The following ATG4B variants were observed in gnomAD, a reference collection of about 807,000 sequenced individuals.
ATG4B encodes cysteine protease ATG4B.
Under a neutral mutation model 56.6 loss-of-function variants are expected in ATG4B, and 29 were observed. The ratio of observed to expected loss-of-function variants is 0.51; its 90% CI spans 0.38 to 0.70. The LOEUF (loss-of-function observed/expected upper bound fraction) is 0.70, where lower values mean the gene tolerates loss of function less well. Among genes scored for constraint, ATG4B ranks in the 30% least tolerant of loss-of-function variants. The pLI, the probability that ATG4B is intolerant of heterozygous loss-of-function variation, is 0.00. For missense variants in ATG4B, 461 were observed against 515.5 expected (o/e 0.89, Z 1.02); for synonymous variants, 224 against 206.1 (o/e 1.09, Z -0.74).
intron 6 of ATG4B, among the ~76,000 whole-genome samples, chr2:241,658,448 C>T (rs1044520808): frequency 2.6e-5 from 4 of 152,176 alleles, no homozygotes; most frequent in Non-Finnish European, 4.4e-5. Flanking sequence ...GCATTCTGTC[C>T]CCGGGAGCAC....
intron 4 of ATG4B, among the ~76,000 whole-genome samples, chr2:241,653,860 C>T (rs1257520983): frequency 6.6e-6 from 1 of 152,074 alleles, no homozygotes; most frequent in Non-Finnish European, 1.5e-5. Context: ...GGCGTGGTGG[C>T]TCCTGCCTGT....
intron 6 of ATG4B, among the ~76,000 whole-genome samples, chr2:241,656,769 C>G (rs1011972502): frequency 2.6e-5 from 4 of 152,254 alleles, no homozygotes; most frequent in Non-Finnish European, 5.9e-5. Context: ...CAGCCTGCTT[C>G]TCCTACAGTG....
chr2:241,637,943 C>T (rs2125105851), intron 1 of ATG4B, among the ~76,000 whole-genome samples: 1 of 151,638 alleles, frequency 6.6e-6, no homozygotes, highest in African/African-American at 2.4e-5. Context: ...GCGGAACCCG[C>T]CGTCGGTTGC....
intron 7 of ATG4B, among the ~76,000 whole-genome samples, chr2:241,665,898 C>CCTGTCA (rs570205760): frequency 6.6e-6 from 1 of 152,006 alleles, no homozygotes; most frequent in Non-Finnish European, 1.5e-5. Flanking sequence ...GTCACTGTCA[C>CCTGTCA]CTGTCACTGT....
intron 1 of ATG4B, among the ~76,000 whole-genome samples, chr2:241,643,276 C>G (rs966734235): frequency 4.6e-5 from 7 of 151,828 alleles, no homozygotes; most frequent in African/African-American, 1.5e-4. Flanking sequence ...GCGGCCTCAG[C>G]TCATTGCAGC....
Position 241,672,375 on chromosome 2 carries a change from C to A in ATG4B, c.*111C>A. 1.0e-6 allele frequency: 1 copy of A among 967,318 alleles called. No homozygotes were observed. The highest frequency in any genetic ancestry group is 1.6e-6 in the Non-Finnish European group (1 of 640,084). 59.9% of individuals were successfully genotyped at this position (967,318 alleles called of 1,614,324 possible). On this transcript the variant is annotated 3_prime_UTR_variant, in exon 13 of 13. Coordinates refer to ENST00000404914, the MANE Select transcript of ATG4B (RefSeq NM_013325.5). The stretch of plus-strand genomic sequence containing the variant: ...GAGGGCTGCGCCCCGTGCTGCCTCC[C>A]CCCAGAGGGCCACCCGCTGTGCTCG...
intron 1 of ATG4B, 22 bp downstream of exon 1, chr2:241,637,746 G>T (rs1395466842): frequency 2.5e-6 from 4 of 1,571,412 alleles, no homozygotes; most frequent in Non-Finnish European, 3.4e-6. Context: ...CCGGGGGTCG[G>T]TCTTTCCGCA....
chr2:241,673,204 G>C lies in ATG4B; in HGVS notation c.*940G>C, dbSNP rs767946195. On this transcript the variant is annotated 3_prime_UTR_variant, in exon 13 of 13. Coordinates refer to ENST00000404914, the MANE Select transcript of ATG4B (RefSeq NM_013325.5). ...AAAAGGGGAAAACCACTTGAGTCTT[G>C]TGGTGTGTGGTGGGCAGACACCACA... is the stretch of plus-strand genomic sequence containing the variant. 2.8e-5 allele frequency: 7 copies of C among 252,228 alleles called. No homozygotes were observed. The highest frequency in any genetic ancestry group is 5.2e-5 in the Non-Finnish European group (7 of 133,434). The allele number at this position is 252,228 out of a possible 1,614,324, so 15.6% of individuals were successfully genotyped here. A position where few individuals can be genotyped will look rare whatever the true frequency, so the allele number is the denominator to read the frequency against.
chr2:241,670,476 A>T (rs145888258), intron 10 of ATG4B: 40 of 582,096 alleles, frequency 6.9e-5, no homozygotes, highest in African/African-American at 5.4e-4. Context: ...ACCACGTAAC[A>T]TCTCGTGGGC....
At chr2:241,647,522 G>C (rs2068098018) in intron 1 of ATG4B, among the ~76,000 whole-genome samples, 2 of 151,656 alleles carry the variant, frequency 1.3e-5, no homozygotes, top group Admixed American at 1.3e-4. Context: ...TCAGGAGGCT[G>C]AGGCAGGAGA....
chr2:241,662,861 G>C (rs1199228895), intron 7 of ATG4B, among the ~76,000 whole-genome samples: 4 of 151,228 alleles, frequency 2.6e-5, no homozygotes, highest in Non-Finnish European at 5.9e-5. Flanking sequence ...CGGGCGCGGT[G>C]GCTCACGCCT....
intron 1 of ATG4B, among the ~76,000 whole-genome samples, chr2:241,648,245 C>A (rs144580502): frequency 0.05 from 7,673 of 152,210 alleles, 380 homozygotes; most frequent in African/African-American, 0.13. Context: ...TTCACAGTCA[C>A]CAAGCAGTTT....
At chr2:241,649,932 C>T (rs923431096) in intron 1 of ATG4B, among the ~76,000 whole-genome samples, 3 of 151,856 alleles carry the variant, frequency 2.0e-5, no homozygotes, top group Admixed American at 6.6e-5. Context: ...TACAGGCGCC[C>T]GCCACCACGC....
intron 7 of ATG4B, among the ~76,000 whole-genome samples, chr2:241,661,233 G>A (rs541797275): frequency 5.9e-5 from 9 of 152,348 alleles, no homozygotes; most frequent in African/African-American, 1.9e-4. Flanking sequence ...AAAGGACACT[G>A]TTCCTCACAG....
intron 1 of ATG4B, among the ~76,000 whole-genome samples, chr2:241,648,616 A>G (rs917025974): frequency 6.6e-6 from 1 of 151,596 alleles, no homozygotes; most frequent in Admixed American, 6.6e-5. Flanking sequence ...AGAAAAAAAA[A>G]CAGGAGCAGA....
chr2:241,670,854 C>T lies in ATG4B; in HGVS notation c.1014+72C>T, dbSNP rs561916577. The T allele has an allele frequency of 2.4e-5, 34 of 1,443,918 alleles. No individual in the cohort carries two copies. In the African/African-American group the frequency reaches 2.4e-4, roughly 10 times the overall value. The allele number at this position is 1,443,918 out of a possible 1,614,324, so 89.4% of individuals were successfully genotyped here. Reference sequence around the variant, plus strand: ...GACAGGCAGTGGGGCGTGCAGGGGTCGAAGGCCTGCGTCCAGGTCTCAGGC... The same window carrying T: ...GACAGGCAGTGGGGCGTGCAGGGGTTGAAGGCCTGCGTCCAGGTCTCAGGC... On this transcript the variant is annotated intron_variant, in intron 11 of 12. Coordinates refer to ENST00000404914, the MANE Select transcript of ATG4B (RefSeq NM_013325.5).
chr2:241,669,664 C>T (rs143327525), intron 10 of ATG4B, among the ~76,000 whole-genome samples: 11 of 152,306 alleles, frequency 7.2e-5, no homozygotes, highest in Admixed American at 2.6e-4. Flanking sequence ...CCCGCCACCA[C>T]GCCTGGCTAA....
chr2:241,655,199 T>A, intron 5 of ATG4B, 72 bp from the exon 6 acceptor site: 1 of 1,496,776 alleles, frequency 6.7e-7, no homozygotes, highest in South Asian at 1.2e-5. Flanking sequence ...ACGTGTCTCC[T>A]GGCACCACGT....
At position 241,663,993 on chromosome 2, in the gene ATG4B, G is replaced by A. The variant is rs1283804733; in HGVS notation, c.539-2652G>A. ...CCTGGCTAATTTTTTGTATTTTAGT[G>A]GAGATGGGGTTTCACCATATTTCAC... On this transcript the variant is annotated intron_variant, in intron 7 of 12. Transcript: ENST00000404914. Among the ~76,000 whole-genome samples the A allele has an allele frequency of 2.6e-5, 4 of 152,052 alleles. No homozygotes were observed. In the East Asian group the frequency reaches 5.8e-4, roughly 22 times the overall value.
Sources: allele counts gnomAD v4.1 joint callset (sites outside exome capture counted in the v4.1 genomes callset), GRCh38; gene constraint gnomAD v4.1.1; transcripts MANE v1.5; gene names NCBI Gene and HGNC (gene_info 2026-07-23, HGNC 2026-07-21).